Variants in DPP10 observed in about 807,000 individuals in gnomAD.
The protein encoded by DPP10 is dipeptidyl peptidase like 10, also known as inactive dipeptidyl peptidase 10.
In DPP10, 33 loss-of-function variants were observed where a neutral mutation model predicts 120.9. The ratio of observed to expected loss-of-function variants is 0.27; its 90% confidence interval spans 0.21 to 0.37. The LOEUF (loss-of-function observed/expected upper bound fraction) is 0.37, where lower values mean the gene tolerates loss of function less well. DPP10 is among the 10% of genes least tolerant of loss of function. The pLI, the probability that DPP10 is intolerant of heterozygous loss-of-function variation, is 1.00. For synonymous variants in DPP10, 337 were observed against 326.1 expected (o/e 1.03, Z -0.36); for missense variants, 816 against 942.8 (o/e 0.87, Z 1.76).
intron 1 of DPP10, among the ~76,000 whole-genome samples, chr2:114,811,974 G>T (rs182070692): frequency 6.6e-6 from 1 of 152,250 alleles, no homozygotes; most frequent in East Asian, 1.9e-4. Context: ...TCCCCAGCAG[G>T]AATGGTTCGG....
chr2:115,417,099 T>C (rs572460827), intron 3 of DPP10, among the ~76,000 whole-genome samples: 11 of 152,184 alleles, frequency 7.2e-5, no homozygotes, highest in Non-Finnish European at 1.3e-4. Flanking sequence ...ACTGTTAGAC[T>C]TTTCATGAAG....
At chr2:115,492,828 C>T (rs1011225463) in intron 3 of DPP10, among the ~76,000 whole-genome samples, 11 of 151,842 alleles carry the variant, frequency 7.2e-5, no homozygotes, top group African/African-American at 2.4e-4. Context: ...TAAAAAAGAT[C>T]GAAAGGAATT....
rs919355854 is a variant in DPP10, at chr2:114,942,482, C to T, written c.61-366757C>T. Among the ~76,000 whole-genome samples, 5 of 146,574 alleles carry T rather than the reference C, an allele frequency of 3.4e-5. No homozygotes were observed. The East Asian group carries it at 8.0e-4, about 23-fold the overall frequency. On this transcript the variant is annotated intron_variant, in intron 1 of 25. Transcript: ENST00000410059. ...TTTGGCCAATTCAATTGGTTCATTC[C>T]GCATGGGAAGGATGGTTGAAAGATT...
At chr2:115,055,650 C>T (rs1263777623) in intron 1 of DPP10, among the ~76,000 whole-genome samples, 9 of 152,072 alleles carry the variant, frequency 5.9e-5, no homozygotes, top group African/African-American at 2.2e-4. Flanking sequence ...TCATGTATTG[C>T]TAGTTGTCCA....
At chr2:114,481,946 AGAGAG>A (rs1370077625) in intron 1 of DPP10, among the ~76,000 whole-genome samples, 1 of 150,374 alleles carries the variant, frequency 6.7e-6, no homozygotes, top group Admixed American at 6.6e-5. Flanking sequence ...AAGAAGGAGA[AGAGAG>A]GAGGAGAGGA....
intron 3 of DPP10, among the ~76,000 whole-genome samples, chr2:115,493,961 A>T (rs998222593): frequency 2.0e-5 from 3 of 151,918 alleles, no homozygotes; most frequent in Admixed American, 6.6e-5. Context: ...TTATTTATTT[A>T]TTTTTTGAGA....
At chr2:115,445,497 T>A (rs997802529) in intron 3 of DPP10, among the ~76,000 whole-genome samples, 1 of 152,130 alleles carries the variant, frequency 6.6e-6, no homozygotes, top group Non-Finnish European at 1.5e-5. Context: ...ATGAACAGTT[T>A]CCTCAGAGAT....
Position 114,856,741 on chromosome 2 carries a change from G to T in DPP10, c.60+413903G>T, listed in dbSNP as rs533430270. On this transcript the variant is annotated intron_variant, in intron 1 of 25. Transcript: ENST00000410059. ...ACTACCTCTGAGTTGGAAGGAGAGA[G>T]AGCAGGAGAGTTGCTTCTGTTTTTT... 2.6e-5 allele frequency among the ~76,000 whole-genome samples: 4 copies of T among 152,292 alleles called. No homozygotes were observed. The East Asian group carries it at 5.8e-4, about 22-fold the overall frequency.
At chr2:114,509,875 C>G (rs747917588) in intron 1 of DPP10, among the ~76,000 whole-genome samples, 1 of 152,170 alleles carries the variant, frequency 6.6e-6, no homozygotes, top group Non-Finnish European at 1.5e-5. Flanking sequence ...AGACATTTCC[C>G]TCTTAAATGT....
intron 9 of DPP10, among the ~76,000 whole-genome samples, chr2:115,743,610 C>T (rs1414103966): frequency 6.6e-6 from 1 of 152,060 alleles, no homozygotes; most frequent in Non-Finnish European, 1.5e-5. Context: ...TAATTCACTA[C>T]CATATACTAT....
At chr2:115,829,878 T>G (rs1281234614) in intron 21 of DPP10, among the ~76,000 whole-genome samples, 2 of 152,160 alleles carry the variant, frequency 1.3e-5, no homozygotes, top group Non-Finnish European at 2.9e-5. Context: ...CACTGTTTAT[T>G]ACTTATTAAT....
intron 1 of DPP10, among the ~76,000 whole-genome samples, chr2:115,089,113 ATTTCCTCT>A (rs1301252284): frequency 1.3e-5 from 2 of 151,894 alleles, no homozygotes; most frequent in African/African-American, 4.8e-5. Flanking sequence ...CTTCAGCCTG[ATTTCCTCT>A]TTTCCTTTTT....
At chr2:115,594,090 A>G (rs2082847017) in intron 5 of DPP10, among the ~76,000 whole-genome samples, 2 of 152,178 alleles carry the variant, frequency 1.3e-5, no homozygotes, top group South Asian at 4.1e-4. Flanking sequence ...AACCATGTAG[A>G]CAAGAGACCA....
intron 1 of DPP10, among the ~76,000 whole-genome samples, chr2:115,252,799 C>T (rs901438941): frequency 3.3e-5 from 5 of 152,220 alleles, no homozygotes; most frequent in Admixed American, 3.3e-4. Context: ...TGCAGTGCTT[C>T]CTTCTCCCAA....
chr2:115,421,852 A>G (rs890089494), intron 3 of DPP10, among the ~76,000 whole-genome samples: 2 of 136,426 alleles, frequency 1.5e-5, no homozygotes, highest in Non-Finnish European at 3.1e-5. Flanking sequence ...GCCTGGCGAC[A>G]GAGCAAGACT....
intron 1 of DPP10, among the ~76,000 whole-genome samples, chr2:114,693,689 A>G (rs1464173626): frequency 4.6e-5 from 7 of 151,782 alleles, no homozygotes; most frequent in South Asian, 2.1e-4. Context: ...ACTTTATTCC[A>G]TTCTCCCCAT....
intron 1 of DPP10, among the ~76,000 whole-genome samples, chr2:114,918,049 A>G (rs748062392): frequency 1.3e-5 from 2 of 152,206 alleles, no homozygotes; most frequent in Non-Finnish European, 2.9e-5. Flanking sequence ...TTCTCAAACT[A>G]TGCATCCAAA....
intron 5 of DPP10, among the ~76,000 whole-genome samples, chr2:115,629,180 G>A (rs1409909720): frequency 1.3e-5 from 2 of 152,186 alleles, no homozygotes; most frequent in Non-Finnish European, 2.9e-5. Context: ...ATTCCATGGT[G>A]TATATGTGCC....
intron 19 of DPP10, among the ~76,000 whole-genome samples, chr2:115,799,024 G>A (rs553414374): frequency 4.5e-4 from 69 of 152,120 alleles, no homozygotes; most frequent in African/African-American, 1.6e-3. Flanking sequence ...TCAATTGGAA[G>A]TTGCTAGATC....
Sources: allele counts gnomAD v4.1 joint callset (sites outside exome capture counted in the v4.1 genomes callset), GRCh38; gene constraint gnomAD v4.1.1; transcripts MANE v1.5; gene names NCBI Gene and HGNC (gene_info 2026-07-23, HGNC 2026-07-21).